SMARCA2: variants seen among roughly 807,000 people sequenced by gnomAD.
SMARCA2 encodes SWI/SNF related BAF chromatin remodeling complex subunit ATPase 2.
Under a neutral mutation model 199.8 loss-of-function variants are expected in SMARCA2, and 61 were observed. That is an observed-to-expected ratio of 0.31 (90% CI 0.25 to 0.38). SMARCA2 has a LOEUF of 0.38. Ranked by LOEUF, SMARCA2 falls within the 10% of genes least tolerant of loss-of-function variation. The pLI is 1.00. For missense variants in SMARCA2, 1,344 were observed against 2,012.2 expected (o/e 0.67, Z 6.35); for synonymous variants, 935 against 732.0 (o/e 1.28, Z -4.48).
At chr9:2,149,179 A>G (rs527870950) in intron 27 of SMARCA2, among the ~76,000 whole-genome samples, 9 of 151,434 alleles carry the variant, frequency 5.9e-5, no homozygotes, top group East Asian at 3.9e-4. Context: ...GGCAAAAGGC[A>G]CTTCTTACAT....
chr9:2,189,746 G>C (rs1429005729), intron 32 of SMARCA2, among the ~76,000 whole-genome samples: 1 of 151,966 alleles, frequency 6.6e-6, no homozygotes, highest in African/African-American at 2.4e-5. Flanking sequence ...GTACTATTTT[G>C]TGTATTAGGA....
At chr9:2,065,955 G>A (rs1820820167) in intron 9 of SMARCA2, among the ~76,000 whole-genome samples, 1 of 152,206 alleles carries the variant, frequency 6.6e-6, no homozygotes, top group African/African-American at 2.4e-5. Flanking sequence ...GAGTCAAAAT[G>A]TTTGAATTGA....
rs1272928913 is a variant in SMARCA2 at position 2,047,254 on chromosome 9, G to A, written c.816G>A (p.Pro272=). 3.0e-6 allele frequency: 3 copies of A among 1,008,506 alleles called. No homozygotes were observed. The highest frequency in any genetic ancestry group is 3.5e-6 in the Non-Finnish European group (3 of 845,838). 62.5% of individuals were successfully genotyped at this position (1,008,506 alleles called of 1,614,324 possible). The change falls in exon 5 of 34, where the codon CCG becomes CCA. Residue 272 remains proline (P), a synonymous_variant. Transcript: ENST00000349721. ...PSGPGPELSG[P]STPQKLPVPA... ...GCCCGGGGCCGGAGCTGAGCGGCCC[G>A]AGCACCCCGCAGAAGCTGCCGGTGC...
chr9:2,054,820 A>C lies in SMARCA2; in HGVS notation c.1173+97A>C. On this transcript the variant is annotated intron_variant, in intron 6 of 33. Transcript: ENST00000349721. The stretch of plus-strand genomic sequence containing the variant: ...TGCCTTTAGTCTATTCAATATTGTT[A>C]CAAAGATATAAAGATATAAATATAG... 3.2e-6 allele frequency: 4 copies of C among 1,258,392 alleles called. No homozygotes were observed. The South Asian group carries it at 5.6e-5, about 17-fold the overall frequency. The allele number at this position is 1,258,392 out of a possible 1,614,324, so 78.0% of individuals were successfully genotyped here.
intron 31 of SMARCA2, among the ~76,000 whole-genome samples, chr9:2,182,746 C>T (rs1186853839): frequency 9.3e-5 from 14 of 151,328 alleles, no homozygotes; most frequent in East Asian, 7.8e-4. Context: ...CCGCCTGCCT[C>T]GGCCTCCCAA....
intron 1 of SMARCA2, among the ~76,000 whole-genome samples, chr9:2,015,637 ACAGCTCCCAGG>A (rs1351947390): frequency 1.3e-5 from 2 of 152,218 alleles, no homozygotes; most frequent in Non-Finnish European, 2.9e-5. Context: ...TGCTCTAACG[ACAGCTCCCAGG>A]CGGCGGTGGA....
rs115062952 is a variant in SMARCA2 at position 2,192,433 on chromosome 9, T to G, written c.4738-271T>G. On this transcript the variant is annotated intron_variant, in intron 33 of 33. Transcript: ENST00000349721. ...ACCTGGGGCTGAAAAAGAGAAAATA[T>G]TAGCCATAAACCTTTCAAGCCAAAG... The G allele has an allele frequency of 5.7e-3, 2,331 of 406,378 alleles. 63 individuals carry two copies. The highest frequency in any genetic ancestry group is 0.045 in the African/African-American group (2,171 of 47,944). The allele number at this position is 406,378 out of a possible 1,614,324, so 25.2% of individuals were successfully genotyped here. A position where few individuals can be genotyped will look rare whatever the true frequency, so the allele number is the denominator to read the frequency against.
intron 12 of SMARCA2, chr9:2,074,933 C>G (rs1265111840): frequency 6.6e-6 from 1 of 152,200 alleles, no homozygotes; most frequent in Non-Finnish European, 1.5e-5. Flanking sequence ...GCTACTCTAT[C>G]TCTAAGATAT....
At chr9:2,047,552 T>C (rs532466012) in intron 5 of SMARCA2, 68 bp downstream of exon 5, 1 of 1,225,812 alleles carries the variant, frequency 8.2e-7, no homozygotes, top group African/African-American at 1.6e-5. Context: ...CCGAGGGGGG[T>C]GAGGCGCCTG....
In SMARCA2 at chr9:2,115,333, G is replaced by A. The variant is rs1201151814; in HGVS notation, c.3457-489G>A. On this transcript the variant is annotated intron_variant, in intron 24 of 33. Transcript: ENST00000349721. This position sits in a 1 kb window ranked among gnomAD's most constrained non-coding sequence, Gnocchi z 6.0. ...GAAATTGACTACCTGAGCAGTCAGT[G>A]TGTGTGTATGTGTGTGTGTGGTAAG... 6.6e-6 allele frequency among the ~76,000 whole-genome samples: 1 copy of A among 152,182 alleles called. No individual in the cohort carries two copies. The highest frequency in any genetic ancestry group is 2.4e-5 in the African/African-American group (1 of 41,440).
chr9:2,105,250 ATTTTG>A (rs1822700468), intron 23 of SMARCA2, among the ~76,000 whole-genome samples: 1 of 144,518 alleles, frequency 6.9e-6, no homozygotes, highest in African/African-American at 2.7e-5. Flanking sequence ...TTTTTATTTT[ATTTTG>A]TTTTTATTGA....
chr9:2,035,888 G>C (rs1354854239), intron 3 of SMARCA2, among the ~76,000 whole-genome samples: 1 of 152,072 alleles, frequency 6.6e-6, no homozygotes, highest in East Asian at 1.9e-4. Flanking sequence ...TTTATATAAT[G>C]ATCTAAAAAG....
rs79325438 is a variant in SMARCA2 at position 2,090,451 on chromosome 9, C to G, written c.2883+1838C>G. 6.9e-3 allele frequency among the ~76,000 whole-genome samples: 1,048 copies of G among 152,264 alleles called. 22 individuals are homozygous for G. In the East Asian group the frequency reaches 0.087, roughly 13 times the overall value. ...GAGTAGGCATGGGTTTCACCACATT[C>G]TCCATCTCTTACTATGTGAACTTGG... On this transcript the variant is annotated intron_variant, in intron 19 of 33. Transcript: ENST00000349721.
Position 2,104,671 on chromosome 9 carries a change from T to G in SMARCA2, c.3292+502T>G, listed in dbSNP as rs903009252. Among the ~76,000 whole-genome samples the G allele has an allele frequency of 1.3e-5, 2 of 152,212 alleles. No homozygotes were observed. Among genetic ancestry groups the G allele is most frequent in the Non-Finnish European group, 2.9e-5 (2 of 68,040 alleles). On this transcript the variant is annotated intron_variant, in intron 23 of 33. Transcript: ENST00000349721. This position sits in a 1 kb window ranked among gnomAD's most constrained non-coding sequence, Gnocchi z 4.0. ...ATGTTACATTGTTAAGAGACATGAC[T>G]TCATTGTTTCCTGGATTTTGCAAGC...
chr9:2,039,392 T>G lies in SMARCA2; in HGVS notation c.356-74T>G. The stretch of plus-strand genomic sequence containing the variant: ...AGACAGTGTTGCTGTGGACAATTAT[T>G]AGAGTATTCAGGGATATCTCTCTTT... On this transcript the variant is annotated intron_variant, in intron 3 of 33. Coordinates refer to ENST00000349721, the MANE Select transcript of SMARCA2 (RefSeq NM_003070.5). The surrounding 1 kb of genome is among the most constrained non-coding windows in gnomAD (Gnocchi z 4.8). The G allele has an allele frequency of 2.9e-6, 4 of 1,376,048 alleles. No individual in the cohort carries two copies. Among genetic ancestry groups the G allele is most frequent in the Non-Finnish European group, 4.0e-6 (4 of 999,010 alleles). 85.2% of individuals were successfully genotyped at this position (1,376,048 alleles called of 1,614,324 possible). A position where few individuals can be genotyped will look rare whatever the true frequency, so the allele number is the denominator to read the frequency against.
At chr9:2,184,854 C>A (rs1426446386) in intron 31 of SMARCA2, among the ~76,000 whole-genome samples, 1 of 151,904 alleles carries the variant, frequency 6.6e-6, no homozygotes, top group African/African-American at 2.4e-5. Flanking sequence ...CCCATCCTCT[C>A]TCTCTCTCGC....
chr9:2,028,348 CAT>C (rs150997732), intron 1 of SMARCA2, among the ~76,000 whole-genome samples: 20,600 of 152,134 alleles, frequency 0.14, 1,723 homozygotes, highest in African/African-American at 0.22. Flanking sequence ...GTTTTTCACA[CAT>C]GTCATTGCAT....
intron 14 of SMARCA2, among the ~76,000 whole-genome samples, chr9:2,078,453 C>G (rs1040383936): frequency 1.3e-5 from 2 of 150,226 alleles, no homozygotes; most frequent in Non-Finnish European, 3.0e-5. Context: ...GCCTGGGTGA[C>G]AAAGTGAAAC....
chr9:2,178,630 A>G lies in SMARCA2; in HGVS notation c.4254-2941A>G, dbSNP rs188886276. 3.2e-5 allele frequency among the ~76,000 whole-genome samples: 4 copies of G among 126,108 alleles called. No individual in the cohort carries two copies. The East Asian group carries it at 1.2e-3, about 38-fold the overall frequency. The allele number at this position is 126,108 out of a possible 152,430, so 82.7% of individuals were successfully genotyped here. ...ACCACCACATTTCAAAAGGTGTATTAAAAAAAAGCCCTCGCTCAGCTCAAA... is the reference window on the plus strand; with the variant it reads ...ACCACCACATTTCAAAAGGTGTATTGAAAAAAAGCCCTCGCTCAGCTCAAA... On this transcript the variant is annotated intron_variant, in intron 29 of 33. Coordinates refer to ENST00000349721, the MANE Select transcript of SMARCA2 (RefSeq NM_003070.5).
Sources: gnomAD v4.1 joint callset for allele counts (sites outside exome capture counted in the v4.1 genomes callset) on GRCh38, gnomAD v4.1.1 for gene constraint, Gnocchi (gnomAD v3.1) non-coding constraint, MANE v1.5 for transcripts, NCBI Gene and HGNC (gene_info 2026-07-23, HGNC 2026-07-21) for gene names.